RYR2: variants seen among roughly 807,000 people sequenced by gnomAD.
RYR2 encodes the protein ryanodine receptor 2, also known as cardiac muscle ryanodine receptor-calcium release channel.
RYR2 carries 227 observed loss-of-function variants against 601.1 expected under a neutral mutation model. The ratio of observed to expected loss-of-function variants is 0.38; its 90% CI spans 0.34 to 0.42. RYR2 has a LOEUF of 0.42. Among genes scored for constraint, RYR2 ranks in the 10% least tolerant of loss-of-function variants. RYR2 has a pLI of 1.00. For synonymous variants in RYR2, 2,223 were observed against 2,175.1 expected, an observed-to-expected ratio of 1.02 and a Z score of -0.61; for missense variants, 4,646 against 6,156.5, an observed-to-expected ratio of 0.75 and a Z score of 8.21.
At chr1:237,294,688 A>G in intron 2 of RYR2, among the ~76,000 whole-genome samples, 1 of 152,214 alleles carries the variant, frequency 6.6e-6, no homozygotes, top group East Asian at 1.9e-4. Flanking sequence ...CATTTTCAAA[A>G]TATATAAATT....
At chr1:237,164,656 C>T (rs886536450) in intron 1 of RYR2, among the ~76,000 whole-genome samples, 2 of 152,194 alleles carry the variant, frequency 1.3e-5, no homozygotes. Flanking sequence ...GCTTCTCACA[C>T]ACTTTAGCCA....
chr1:237,583,848 C>T lies in RYR2; in HGVS notation c.3599-5945C>T, dbSNP rs1009823695. ...CTTGGCTGGATTTGCATGCTCATCA[C>T]CCTCCCCTCTGCTCTGGAGCAGGGA... On this transcript the variant is annotated intron_variant, in intron 29 of 104. Transcript: ENST00000366574. 2.0e-5 allele frequency among the ~76,000 whole-genome samples: 3 copies of T among 152,304 alleles called. No homozygotes were observed. The East Asian group carries it at 5.8e-4, about 29-fold the overall frequency.
At chr1:237,146,601 T>A (rs985437172) in intron 1 of RYR2, among the ~76,000 whole-genome samples, 2 of 152,238 alleles carry the variant, frequency 1.3e-5, no homozygotes, top group South Asian at 4.1e-4. Flanking sequence ...ATTGTGACAA[T>A]GTAAACCTTT....
At chr1:237,303,971 G>C (rs1343450965) in intron 2 of RYR2, among the ~76,000 whole-genome samples, 2 of 152,080 alleles carry the variant, frequency 1.3e-5, no homozygotes, top group African/African-American at 2.4e-5. Flanking sequence ...ATTTTCTGTC[G>C]GGTGTAAGAG....
intron 1 of RYR2, among the ~76,000 whole-genome samples, chr1:237,102,205 G>A (rs1404454951): frequency 6.6e-6 from 1 of 152,214 alleles, no homozygotes; most frequent in East Asian, 1.9e-4. Flanking sequence ...GGACAGACAG[G>A]TGGGGGGAGT....
intron 103 of RYR2, 25 bp downstream of exon 103, chr1:237,830,655 T>C (rs749357318): frequency 3.3e-6 from 4 of 1,223,588 alleles, no homozygotes; most frequent in Non-Finnish European, 4.8e-6. Context: ...TTCAGAATCT[T>C]CCACCTCTCC....
chr1:237,548,207 T>C (rs1670021024), intron 25 of RYR2, among the ~76,000 whole-genome samples: 1 of 152,204 alleles, frequency 6.6e-6, no homozygotes, highest in Admixed American at 6.5e-5. Flanking sequence ...CTCATTTCTG[T>C]CTTATTGGTG....
Position 237,679,266 on chromosome 1 carries a change from G to A in RYR2, c.8895+1154G>A, listed in dbSNP as rs77962307. Reference sequence around the variant, plus strand: ...TGTTGCCCGTATACTCAGCACCCCCGGTGCATCTGTTTACAGATGCTTAAT... The same window carrying A: ...TGTTGCCCGTATACTCAGCACCCCCAGTGCATCTGTTTACAGATGCTTAAT... On this transcript the variant is annotated intron_variant, in intron 61 of 104. Transcript: ENST00000366574. 3.5e-3 allele frequency among the ~76,000 whole-genome samples: 536 copies of A among 152,118 alleles called. 1 individual carries two copies. Among genetic ancestry groups the A allele is most frequent in the African/African-American group, 0.012 (506 of 41,472 alleles).
chr1:237,072,144 A>T (rs893910171), intron 1 of RYR2, among the ~76,000 whole-genome samples: 1 of 151,952 alleles, frequency 6.6e-6, no homozygotes, highest in East Asian at 1.9e-4. Flanking sequence ...CGTTCTGACA[A>T]CTCAGCAGGG....
intron 25 of RYR2, among the ~76,000 whole-genome samples, chr1:237,546,110 A>G (rs1669777095): frequency 6.6e-6 from 1 of 151,986 alleles, no homozygotes; most frequent in African/African-American, 2.4e-5. Flanking sequence ...TGTCGAATAC[A>G]ATGATTTATA....
At chr1:237,321,440 C>T (rs1033758860) in intron 2 of RYR2, among the ~76,000 whole-genome samples, 4 of 152,144 alleles carry the variant, frequency 2.6e-5, no homozygotes, top group African/African-American at 9.7e-5. Context: ...CTTCCCAGAA[C>T]ATGATTCCGA....
At chr1:237,687,635 CAAGAT>C in intron 63 of RYR2, 131 bp downstream of exon 63, 1 of 720,962 alleles carries the variant, frequency 1.4e-6, no homozygotes, top group Non-Finnish European at 2.5e-6. Flanking sequence ...CGTTGCAGGC[CAAGAT>C]AAGGTCCTCG....
intron 10 of RYR2, among the ~76,000 whole-genome samples, chr1:237,393,019 A>G (rs1407025072): frequency 6.6e-6 from 1 of 152,204 alleles, no homozygotes; most frequent in East Asian, 1.9e-4. Context: ...ACCCACATAT[A>G]CAGAGATGAA....
At chr1:237,600,255 A>G (rs1257046148) in intron 34 of RYR2, among the ~76,000 whole-genome samples, 1 of 152,128 alleles carries the variant, frequency 6.6e-6, no homozygotes. Context: ...AAACAGACAT[A>G]TAGACCAATA....
At chr1:237,337,237 G>A (rs1462217793) in intron 3 of RYR2, among the ~76,000 whole-genome samples, 1 of 143,304 alleles carries the variant, frequency 7.0e-6, no homozygotes, top group Non-Finnish European at 1.5e-5. Context: ...GGGCAACAGA[G>A]CGAGTATCCA....
intron 1 of RYR2, among the ~76,000 whole-genome samples, chr1:237,049,008 TTGG>T (rs890232424): frequency 2.5e-4 from 38 of 151,816 alleles, no homozygotes; most frequent in African/African-American, 8.7e-4. Flanking sequence ...AGTAGGAGTG[TTGG>T]TGGGTGAAAT....
At chr1:237,783,234 C>G (rs1295037980) in intron 89 of RYR2, among the ~76,000 whole-genome samples, 1 of 152,076 alleles carries the variant, frequency 6.6e-6, no homozygotes, top group Non-Finnish European at 1.5e-5. Context: ...ATTTCCTCAT[C>G]GGTAAAATTA....
chr1:237,780,511 A>C (rs1272755574), intron 88 of RYR2, among the ~76,000 whole-genome samples: 1 of 152,204 alleles, frequency 6.6e-6, no homozygotes, highest in African/African-American at 2.4e-5. Flanking sequence ...GCCTTGTACA[A>C]ATTTTTTAAA....
At chr1:237,625,942 C>T in intron 40 of RYR2, 138 bp downstream of exon 40, 1 of 848,492 alleles carries the variant, frequency 1.2e-6, no homozygotes, top group South Asian at 1.8e-5. Context: ...TAAGTAGATG[C>T]CTGTAGCTCC....
Sources: gnomAD v4.1 joint callset for allele counts (sites outside exome capture counted in the v4.1 genomes callset) on GRCh38, gnomAD v4.1.1 for gene constraint, MANE v1.5 for transcripts, NCBI Gene and HGNC (gene_info 2026-07-23, HGNC 2026-07-21) for gene names.